The following EYA2 variants were observed in gnomAD, a reference collection of about 807,000 sequenced individuals.
The protein encoded by EYA2 is protein phosphatase EYA2.
A neutral mutation model predicts 69.2 loss-of-function variants in EYA2; 31 were observed. That is an observed-to-expected ratio of 0.45 (90% CI 0.34 to 0.60). The LOEUF is 0.60. EYA2 is among the 20% of genes least tolerant of loss of function. The pLI is 0.02. For synonymous variants in EYA2, 257 were observed against 279.4 expected (o/e 0.92, Z 0.80); for missense variants, 622 against 701.2 (o/e 0.89, Z 1.28).
chr20:47,104,758 C>T (rs770984811), intron 9 of EYA2, among the ~76,000 whole-genome samples: 5 of 152,134 alleles, frequency 3.3e-5, no homozygotes, highest in African/African-American at 9.7e-5. Flanking sequence ...CAGTGGCTCA[C>T]ACCTGTAATC....
intron 9 of EYA2, among the ~76,000 whole-genome samples, chr20:47,131,990 A>G (rs1049065470): frequency 3.3e-5 from 5 of 152,210 alleles, no homozygotes; most frequent in Non-Finnish European, 5.9e-5. Context: ...TCTTTGAAAC[A>G]GGGTCTCACT....
At chr20:47,117,419 G>A in intron 9 of EYA2, 1 of 985,294 alleles carries the variant, frequency 1.0e-6, no homozygotes, top group Middle Eastern at 5.2e-4. Flanking sequence ...AGATCCAGAG[G>A]CCAGGTCGAG....
At chr20:46,910,689 A>C (rs4810574) in intron 1 of EYA2, among the ~76,000 whole-genome samples, 11 of 152,232 alleles carry the variant, frequency 7.2e-5, no homozygotes, top group Admixed American at 7.2e-4. Flanking sequence ...CCTGTATTGA[A>C]CTTTCTCATG....
At chr20:46,951,036 A>C (rs1490604416) in intron 1 of EYA2, among the ~76,000 whole-genome samples, 3 of 152,206 alleles carry the variant, frequency 2.0e-5, no homozygotes, top group Non-Finnish European at 4.4e-5. Context: ...CACATATGCC[A>C]GAAAGAGCCT....
At chr20:47,104,269 G>T (rs1399555001) in intron 9 of EYA2, among the ~76,000 whole-genome samples, 1 of 151,942 alleles carries the variant, frequency 6.6e-6, no homozygotes, top group Admixed American at 6.6e-5. Context: ...CAAATCTTTT[G>T]CTCATTTTTA....
At chr20:47,068,022 A>G (rs746819340) in intron 5 of EYA2, among the ~76,000 whole-genome samples, 51 of 152,138 alleles carry the variant, frequency 3.4e-4, no homozygotes, top group Non-Finnish European at 4.4e-5. Context: ...ATTCTGGCAC[A>G]TTTTGTTTGA....
At chr20:47,037,767 T>G (rs1419943276) in intron 5 of EYA2, among the ~76,000 whole-genome samples, 1 of 152,186 alleles carries the variant, frequency 6.6e-6, no homozygotes, top group Non-Finnish European at 1.5e-5. Flanking sequence ...GTGATTAAAT[T>G]AGGCCCTCTC....
chr20:46,929,140 A>C (rs900551913), intron 1 of EYA2, among the ~76,000 whole-genome samples: 9 of 141,392 alleles, frequency 6.4e-5, no homozygotes, highest in African/African-American at 2.4e-4. Flanking sequence ...TTGCCATCAC[A>C]AATAAGTTGT....
At chr20:47,069,477 G>A (rs1199086150) in intron 5 of EYA2, among the ~76,000 whole-genome samples, 6 of 152,072 alleles carry the variant, frequency 3.9e-5, no homozygotes, top group Non-Finnish European at 7.4e-5. Flanking sequence ...TGAGAAGAGC[G>A]AGATTCTGTT....
At chr20:47,103,299 T>C (rs2032478367) in intron 9 of EYA2, among the ~76,000 whole-genome samples, 1 of 147,504 alleles carries the variant, frequency 6.8e-6, no homozygotes, top group African/African-American at 2.4e-5. Flanking sequence ...ACCACTAATC[T>C]ACTTTCTTTC....
intron 5 of EYA2, among the ~76,000 whole-genome samples, chr20:47,035,308 G>A (rs926159296): frequency 6.6e-6 from 1 of 152,204 alleles, no homozygotes; most frequent in African/African-American, 2.4e-5. Context: ...CCCAGCAAGT[G>A]AGGCAGCAAG....
intron 1 of EYA2, among the ~76,000 whole-genome samples, chr20:46,952,466 T>A (rs1041600): frequency 0.021 from 3,161 of 152,290 alleles, 128 homozygotes; most frequent in African/African-American, 0.073. Context: ...CTTTGGCCGT[T>A]TGTTCATCAG....
At chr20:46,914,756 G>A (rs1398987999) in intron 1 of EYA2, among the ~76,000 whole-genome samples, 12 of 152,284 alleles carry the variant, frequency 7.9e-5, no homozygotes, top group South Asian at 4.1e-4. Flanking sequence ...CAGCCAAACC[G>A]TATCAGGGAG....
chr20:46,972,003 A>G (rs1422407358), intron 1 of EYA2, among the ~76,000 whole-genome samples: 2 of 152,278 alleles, frequency 1.3e-5, no homozygotes, highest in Admixed American at 6.5e-5. Flanking sequence ...GATAGTGATC[A>G]GAATTAAGAA....
intron 10 of EYA2, among the ~76,000 whole-genome samples, chr20:47,165,656 A>G (rs546137716): frequency 6.6e-6 from 1 of 152,320 alleles, no homozygotes; most frequent in Non-Finnish European, 1.5e-5. Context: ...CACCTGCCAC[A>G]AAGTTGCTGT....
At chr20:47,050,506 G>C (rs2030277993) in intron 5 of EYA2, among the ~76,000 whole-genome samples, 1 of 152,202 alleles carries the variant, frequency 6.6e-6, no homozygotes, top group South Asian at 2.1e-4. Context: ...AAGCAATGAA[G>C]ATTGGAAGAG....
intron 4 of EYA2, among the ~76,000 whole-genome samples, chr20:47,015,416 A>T (rs1278194055): frequency 6.6e-6 from 1 of 152,172 alleles, no homozygotes; most frequent in African/African-American, 2.4e-5. Context: ...TGGCCTTGGG[A>T]TTAGCAGGTC....
At chr20:46,956,495 G>A (rs1979134573) in intron 1 of EYA2, among the ~76,000 whole-genome samples, 1 of 152,134 alleles carries the variant, frequency 6.6e-6, no homozygotes, top group Non-Finnish European at 1.5e-5. Context: ...CATTGCATAG[G>A]TCTTTCTCCC....
chr20:47,169,427 C>G (rs2034274560), intron 11 of EYA2, among the ~76,000 whole-genome samples: 1 of 152,118 alleles, frequency 6.6e-6, no homozygotes, highest in Non-Finnish European at 1.5e-5. Context: ...AGGAGGATCA[C>G]TTGAGCTCAG....
Sources: gnomAD v4.1 joint callset for allele counts (sites outside exome capture counted in the v4.1 genomes callset) on GRCh38, gnomAD v4.1.1 for gene constraint, MANE v1.5 for transcripts, NCBI Gene and HGNC (gene_info 2026-07-23, HGNC 2026-07-21) for gene names.